The following SYN3 variants were observed in gnomAD, a reference collection of about 807,000 sequenced individuals.
The protein encoded by SYN3 is synapsin III.
In SYN3, 35 loss-of-function variants were observed where a neutral mutation model predicts 65.8. That is an observed-to-expected ratio of 0.53 (90% confidence interval 0.41 to 0.70). The LOEUF (loss-of-function observed/expected upper bound fraction) is 0.70. Among genes scored for constraint, SYN3 ranks in the 30% least tolerant of loss-of-function variants. The pLI is 0.00. For missense variants in SYN3, 680 were observed against 749.0 expected (o/e 0.91, Z 1.08); for synonymous variants, 270 against 292.9 (o/e 0.92, Z 0.80).
intron 6 of SYN3, among the ~76,000 whole-genome samples, chr22:32,635,649 A>T (rs1811069833): frequency 1.3e-5 from 2 of 152,154 alleles, no homozygotes; most frequent in South Asian, 4.1e-4. Context: ...GTTGTAGTGC[A>T]GGTGCTCAGC....
intron 13 of SYN3, among the ~76,000 whole-genome samples, chr22:32,515,086 C>T (rs187905135): frequency 4.6e-5 from 7 of 152,262 alleles, no homozygotes; most frequent in Admixed American, 2.0e-4. Context: ...TATTACCCCT[C>T]AGAGAGTCTT....
At chr22:32,711,922 G>A (rs768516730) in intron 6 of SYN3, among the ~76,000 whole-genome samples, 1 of 152,226 alleles carries the variant, frequency 6.6e-6, no homozygotes, top group Non-Finnish European at 1.5e-5. Flanking sequence ...TTGATCAGGT[G>A]TCTGATGCCC....
At chr22:33,051,792 G>C (rs2054171391) in intron 1 of SYN3, among the ~76,000 whole-genome samples, 2 of 152,152 alleles carry the variant, frequency 1.3e-5, no homozygotes, top group Non-Finnish European at 1.5e-5. Flanking sequence ...AGGGCCACTG[G>C]ACTGAGCCGG....
At chr22:32,624,979 A>G (rs1235595838) in intron 6 of SYN3, among the ~76,000 whole-genome samples, 1 of 152,190 alleles carries the variant, frequency 6.6e-6, no homozygotes, top group East Asian at 1.9e-4. Flanking sequence ...CAAGGCACAC[A>G]AAGATCCTGG....
chr22:32,821,114 A>G (rs910791690), intron 6 of SYN3, among the ~76,000 whole-genome samples: 10 of 152,124 alleles, frequency 6.6e-5, no homozygotes, highest in African/African-American at 2.4e-4. Context: ...GTTTGGAGAG[A>G]CAGTGGAGGA....
rs2057695589 is a variant in SYN3 at position 32,511,947 on chromosome 22, C to T, written c.*1745G>A. Among the ~76,000 whole-genome samples, 1 of 152,222 alleles carries T rather than the reference C, an allele frequency of 6.6e-6. No individual in the cohort carries two copies. Among genetic ancestry groups the T allele is most frequent in the Admixed American group, 6.5e-5 (1 of 15,284 alleles). ...AATGTGAAGAGGACTGTCCTAAAGG[C>T]CAAGTGGCTTTCTGGCAGCCAGGTG... On this transcript the variant is annotated 3_prime_UTR_variant, in exon 14 of 14. Transcript: ENST00000358763.
chr22:32,685,768 C>T (rs1313441624), intron 6 of SYN3, among the ~76,000 whole-genome samples: 3 of 152,180 alleles, frequency 2.0e-5, no homozygotes, highest in Admixed American at 6.5e-5. Flanking sequence ...GTATAACATT[C>T]GCCTTGACCT....
At chr22:32,931,212 C>T (rs574280023) in intron 4 of SYN3, 178 bp downstream of exon 4, 20 of 560,102 alleles carry the variant, frequency 3.6e-5, no homozygotes, top group African/African-American at 2.4e-4. Flanking sequence ...AGGTGCTGCA[C>T]GTATGATATG....
rs957540183 is a variant in SYN3, at chr22:32,508,122, G to A, written c.*5570C>T. Among the ~76,000 whole-genome samples the A allele has an allele frequency of 2.0e-5, 3 of 152,154 alleles. No individual in the cohort carries two copies. The highest frequency in any genetic ancestry group is 2.9e-5 in the Non-Finnish European group (2 of 68,040). On this transcript the variant is annotated 3_prime_UTR_variant, in exon 14 of 14. Coordinates refer to ENST00000358763, the MANE Select transcript of SYN3 (RefSeq NM_003490.4). ...CCATCGCATCCCCTGTGACTTGCGC[G>A]TATACGCCCAGATGGCCTGAAGTAA... is the stretch of plus-strand genomic sequence containing the variant.
chr22:32,941,102 C>T (rs1003460571), intron 3 of SYN3, among the ~76,000 whole-genome samples: 5 of 152,104 alleles, frequency 3.3e-5, no homozygotes, highest in African/African-American at 7.2e-5. Flanking sequence ...CCTCACTTAT[C>T]TTAAAGGTTA....
intron 4 of SYN3, among the ~76,000 whole-genome samples, chr22:32,882,084 T>C (rs2049157795): frequency 6.7e-6 from 1 of 149,232 alleles, no homozygotes; most frequent in Non-Finnish European, 1.5e-5. Context: ...CTCGAGGGTT[T>C]CCTGGGAGAC....
At chr22:32,718,542 G>C (rs1192026616) in intron 6 of SYN3, among the ~76,000 whole-genome samples, 1 of 149,658 alleles carries the variant, frequency 6.7e-6, no homozygotes, top group Non-Finnish European at 1.5e-5. Context: ...ATGTAGAAAA[G>C]GCAATCCATA....
chr22:32,899,759 G>A (rs915766655), intron 4 of SYN3, among the ~76,000 whole-genome samples: 5 of 152,108 alleles, frequency 3.3e-5, no homozygotes, highest in African/African-American at 7.2e-5. Flanking sequence ...TTGAGCCTTC[G>A]TTCTTTTACA....
chr22:32,965,735 G>T (rs184227942), intron 3 of SYN3, among the ~76,000 whole-genome samples: 41 of 152,024 alleles, frequency 2.7e-4, no homozygotes, highest in African/African-American at 9.4e-4. Flanking sequence ...TCGCTCTTTC[G>T]CCCAGGCTGA....
intron 1 of SYN3, among the ~76,000 whole-genome samples, chr22:33,038,833 G>A (rs2053908355): frequency 6.6e-6 from 1 of 152,176 alleles, no homozygotes; most frequent in African/African-American, 2.4e-5. Flanking sequence ...GCCATGATTA[G>A]CTGAGGTAGT....
intron 6 of SYN3, chr22:32,859,684 G>T: frequency 2.8e-6 from 1 of 359,630 alleles, no homozygotes. Context: ...TATTTTTTTA[G>T]GAAAACAAAA....
chr22:32,555,810 A>T (rs538076378), intron 7 of SYN3, among the ~76,000 whole-genome samples: 11 of 152,290 alleles, frequency 7.2e-5, no homozygotes, highest in African/African-American at 2.6e-4. Context: ...AGCTCATTCC[A>T]AAGGGGTATC....
At chr22:32,710,569 G>T (rs1297993477) in intron 6 of SYN3, among the ~76,000 whole-genome samples, 3 of 147,694 alleles carry the variant, frequency 2.0e-5, no homozygotes, top group African/African-American at 7.6e-5. Context: ...GGAGGCAGAG[G>T]TTACAGTGAG....
At chr22:32,893,784 G>A (rs191566182) in intron 4 of SYN3, among the ~76,000 whole-genome samples, 22 of 152,028 alleles carry the variant, frequency 1.4e-4, no homozygotes, top group African/African-American at 4.8e-4. Flanking sequence ...CCCCTTCTTC[G>A]CAAAGAAAGC....
Sources: gnomAD v4.1 joint callset for allele counts (sites outside exome capture counted in the v4.1 genomes callset) on GRCh38, gnomAD v4.1.1 for gene constraint, MANE v1.5 for transcripts, NCBI Gene and HGNC (gene_info 2026-07-23, HGNC 2026-07-21) for gene names.